The following FGD5 variants were observed in gnomAD, a reference collection of about 807,000 sequenced individuals.
FGD5 encodes FYVE, RhoGEF and PH domain-containing protein 5.
In FGD5, 28 loss-of-function variants were observed where a neutral mutation model predicts 133.4. The observed-to-expected ratio is 0.21, with a 90% CI of 0.16 to 0.29. FGD5 has a LOEUF of 0.29. FGD5 is among the 10% of genes least tolerant of loss of function. The pLI is 1.00. For synonymous variants in FGD5, 810 were observed against 776.5 expected (o/e 1.04, Z -0.72); for missense variants, 1,858 against 1,895.2 (o/e 0.98, Z 0.36).
At chr3:14,830,770 C>A (rs2036691754) in intron 1 of FGD5, among the ~76,000 whole-genome samples, 1 of 152,142 alleles carries the variant, frequency 6.6e-6, no homozygotes, top group South Asian at 2.1e-4. Flanking sequence ...GCATAGCATG[C>A]AGCCAAAGAG....
intron 18 of FGD5, among the ~76,000 whole-genome samples, chr3:14,930,079 C>A (rs1449214978): frequency 1.3e-5 from 2 of 152,022 alleles, no homozygotes; most frequent in South Asian, 4.2e-4. Context: ...TCCAGTTGTT[C>A]CAGCACCATT....
At chr3:14,932,438 G>A in intron 18 of FGD5, 139 bp from the exon 19 acceptor site, 2 of 945,684 alleles carry the variant, frequency 2.1e-6, no homozygotes, top group Non-Finnish European at 3.1e-6. Context: ...AGGGTCAACA[G>A]TTTGTGTGTG....
chr3:14,836,990 C>G (rs552636438), intron 1 of FGD5, among the ~76,000 whole-genome samples: 1 of 152,244 alleles, frequency 6.6e-6, no homozygotes, highest in East Asian at 1.9e-4. Context: ...CAGAAGCACC[C>G]GGGTATAAGG....
At chr3:14,891,908 T>G (rs1163735433) in intron 4 of FGD5, among the ~76,000 whole-genome samples, 1 of 151,260 alleles carries the variant, frequency 6.6e-6, no homozygotes, top group Non-Finnish European at 1.5e-5. Flanking sequence ...CCTCTCACTC[T>G]CCCCTTCTCT....
intron 2 of FGD5, among the ~76,000 whole-genome samples, chr3:14,869,012 C>T (rs1045311255): frequency 6.6e-6 from 1 of 152,022 alleles, no homozygotes; most frequent in Non-Finnish European, 1.5e-5. Flanking sequence ...AACAAACTGG[C>T]AGCCAGGCAC....
At chr3:14,871,791 A>G (rs1390950588) in intron 2 of FGD5, among the ~76,000 whole-genome samples, 1 of 152,194 alleles carries the variant, frequency 6.6e-6, no homozygotes, top group East Asian at 1.9e-4. Context: ...TTCCTCAGTC[A>G]AAAGGGGAGT....
Position 14,922,309 on chromosome 3 carries a change from C to T in FGD5, c.3670-102C>T. ...ACATCAGACCCACTCACCCACACAT[C>T]ACACACCCTGCACAGAGACGCAGGG... On this transcript the variant is annotated intron_variant, in intron 14 of 19. Transcript: ENST00000285046. This position sits in a 1 kb window ranked among gnomAD's most constrained non-coding sequence, Gnocchi z 4.1. 6.7e-7 allele frequency: 1 copy of T among 1,488,254 alleles called. No homozygotes were observed. The highest frequency in any genetic ancestry group is 9.1e-7 in the Non-Finnish European group (1 of 1,102,306). 92.2% of individuals were successfully genotyped at this position (1,488,254 alleles called of 1,614,324 possible).
chr3:14,816,877 C>G (rs1352729335), upstream of FGD5, among the ~76,000 whole-genome samples: 1 of 152,044 alleles, frequency 6.6e-6, no homozygotes, highest in East Asian at 1.9e-4. Flanking sequence ...ACCTTTAAAC[C>G]CATTGGCACT....
chr3:14,922,192 C>T lies in FGD5; in HGVS notation c.3669+175C>T, dbSNP rs1016266237. On this transcript the variant is annotated intron_variant, in intron 14 of 19. Transcript: ENST00000285046. The surrounding 1 kb of genome is among the most constrained non-coding windows in gnomAD (Gnocchi z 4.1). ...CTAGTCAGGGGCGGCCTCCGTGTAA[C>T]CTAGGAGCCCAGCACCCACAGTCTT... The T allele has an allele frequency of 4.1e-6, 4 of 973,404 alleles. No homozygotes were observed. The African/African-American group carries it at 6.5e-5, about 16-fold the overall frequency. The allele number at this position is 973,404 out of a possible 1,614,324, so 60.3% of individuals were successfully genotyped here.
intron 1 of FGD5, among the ~76,000 whole-genome samples, chr3:14,837,096 AG>A (rs2036830553): frequency 6.6e-6 from 1 of 152,182 alleles, no homozygotes; most frequent in Admixed American, 6.5e-5. Flanking sequence ...CCCAAGCTTG[AG>A]GGTGTGAAGT....
intron 1 of FGD5, among the ~76,000 whole-genome samples, chr3:14,852,312 C>T (rs1305696910): frequency 6.6e-6 from 1 of 152,146 alleles, no homozygotes; most frequent in Non-Finnish European, 1.5e-5. Context: ...CTGGAAAACA[C>T]ACTAAGTGAA....
intron 9 of FGD5, 52 bp downstream of exon 9, chr3:14,901,113 C>T (rs1019256239): frequency 3.1e-5 from 50 of 1,589,222 alleles, no homozygotes; most frequent in Non-Finnish European, 4.2e-5. Flanking sequence ...CAGGCACCTC[C>T]CCACCAGCTC....
chr3:14,898,675 T>C (rs1465129090), intron 6 of FGD5, 64 bp from the exon 7 acceptor site: 1 of 1,354,858 alleles, frequency 7.4e-7, no homozygotes, highest in African/African-American at 1.4e-5. Context: ...TATGGGCTGC[T>C]GTGAGCATGG....
chr3:14,905,074 C>T (rs1193494442), intron 9 of FGD5, among the ~76,000 whole-genome samples: 1 of 152,116 alleles, frequency 6.6e-6, no homozygotes, highest in East Asian at 1.9e-4. Flanking sequence ...TAAATTCTCA[C>T]TCCAACAGTG....
rs1282833872 is a variant in FGD5, at chr3:14,819,719, T to G, written c.648T>G (p.Asp216Glu). The G allele has an allele frequency of 7.2e-6, 11 of 1,534,420 alleles. No individual in the cohort carries two copies. Among genetic ancestry groups the G allele is most frequent in the Non-Finnish European group, 9.7e-6 (11 of 1,138,500 alleles). ...ACACCCCCGGGGAGGCAGAGGAGGATGATGAGGAAGGCTGTGCCAGCACAG... is the reference window on the plus strand; with the variant it reads ...ACACCCCCGGGGAGGCAGAGGAGGAGGATGAGGAAGGCTGTGCCAGCACAG... ...PPDTPGEAEEDDEEGCASTDP... is the reference protein window; with the variant it reads ...PPDTPGEAEEEDEEGCASTDP... Residue 216 changes from aspartate (D) to glutamate (E), a missense_variant, in exon 1 of 20, where the codon GAT becomes GAG. Around this residue, in one of 3 missense-constraint regions of FGD5, gnomAD observed 1,824 missense variants for 1,848.9 expected, o/e 0.99. Coordinates refer to ENST00000285046, the MANE Select transcript of FGD5 (RefSeq NM_152536.4). The surrounding 1 kb of genome is among the most constrained non-coding windows in gnomAD (Gnocchi z 4.1).
chr3:14,820,341 G>C lies in FGD5; in HGVS notation c.1270G>C (p.Asp424His), dbSNP rs1363082605. ...VVVLEEEALD[D>H]ALANPYVMGV... ...CGTGCTGGAGGAGGAGGCCTTGGATGATGCACTGGCCAACCCCTATGTGAT... is the reference window on the plus strand; with the variant it reads ...CGTGCTGGAGGAGGAGGCCTTGGATCATGCACTGGCCAACCCCTATGTGAT... The change falls in exon 1 of 20, where the codon GAT becomes CAT. Residue 424 changes from aspartate (D) to histidine (H), a missense_variant. Transcript: ENST00000285046. 6.2e-7 allele frequency: 1 copy of C among 1,612,490 alleles called. No individual in the cohort carries two copies. The highest frequency in any genetic ancestry group is 1.1e-5 in the South Asian group (1 of 90,868).
chr3:14,880,851 G>A, intron 4 of FGD5, 79 bp downstream of exon 4: 1 of 1,551,582 alleles, frequency 6.4e-7, no homozygotes, highest in Non-Finnish European at 8.8e-7. Context: ...AAGCAATGTG[G>A]AGACAGAGGT....
chr3:14,815,928 G>A (rs923351863), upstream of FGD5, among the ~76,000 whole-genome samples: 5 of 152,234 alleles, frequency 3.3e-5, no homozygotes, highest in African/African-American at 1.2e-4. Context: ...CTCCTTCAGT[G>A]AGGGTCAGAT....
At chr3:14,921,738 T>C (rs918086714) in intron 13 of FGD5, among the ~76,000 whole-genome samples, 180 bp from the exon 14 acceptor site, 4 of 152,250 alleles carry the variant, frequency 2.6e-5, no homozygotes, top group Non-Finnish European at 4.4e-5. Context: ...GGACAGCTAA[T>C]GGACCAGTGG....
Sources: allele counts gnomAD v4.1 joint callset (sites outside exome capture counted in the v4.1 genomes callset), GRCh38; gene constraint gnomAD v4.1.1; regional missense constraint gnomAD v4.1.1; non-coding constraint Gnocchi (gnomAD v3.1); transcripts MANE v1.5; gene names NCBI Gene and HGNC (gene_info 2026-07-23, HGNC 2026-07-21).